Variants in TRPC6 observed in about 807,000 individuals in gnomAD.
TRPC6 encodes the protein short transient receptor potential channel 6.
TRPC6 carries 55 observed loss-of-function variants against 90.7 expected under a neutral mutation model. The ratio of observed to expected loss-of-function variants is 0.61; its 90% CI spans 0.49 to 0.76. The LOEUF (loss-of-function observed/expected upper bound fraction) is 0.76. Ranked by LOEUF, TRPC6 falls within the 30% of genes least tolerant of loss-of-function variation. The probability of loss-of-function intolerance (pLI) is 0.00; values close to 1 mark genes in which losing one functional copy is unlikely to be tolerated. For synonymous variants in TRPC6, 393 were observed against 393.0 expected, an observed-to-expected ratio of 1.00 and a Z score of 0.00; for missense variants, 989 against 1,122.7, an observed-to-expected ratio of 0.88 and a Z score of 1.70.
chr11:101,575,881 C>T (rs942371300), intron 1 of TRPC6, among the ~76,000 whole-genome samples: 12 of 152,220 alleles, frequency 7.9e-5, no homozygotes, highest in Admixed American at 6.5e-4. Context: ...TCAGAGCCAA[C>T]GTGTGGCTTT....
intron 4 of TRPC6, 108 bp downstream of exon 4, chr11:101,488,829 C>T: frequency 8.0e-7 from 1 of 1,253,942 alleles, no homozygotes; most frequent in Non-Finnish European, 1.1e-6. Context: ...ATAAAGATTA[C>T]TGAAACCCAA....
chr11:101,566,419 TATTAA>T (rs1861831967), intron 1 of TRPC6, among the ~76,000 whole-genome samples: 1 of 152,316 alleles, frequency 6.6e-6, no homozygotes, highest in South Asian at 2.1e-4. Flanking sequence ...TTCCTCTTGT[TATTAA>T]AATAAAAACA....
chr11:101,562,729 C>T (rs1861742983), intron 1 of TRPC6, among the ~76,000 whole-genome samples: 1 of 152,032 alleles, frequency 6.6e-6, no homozygotes, highest in Non-Finnish European at 1.5e-5. Flanking sequence ...TAAAAAATAC[C>T]TTGTCCAAGA....
intron 1 of TRPC6, among the ~76,000 whole-genome samples, chr11:101,516,108 G>GGA (rs1555005867): frequency 1.5e-5 from 2 of 133,320 alleles, no homozygotes; most frequent in Non-Finnish European, 3.2e-5. Context: ...ATGCAGCTGG[G>GGA]AAAAAAAAAA....
intron 12 of TRPC6, 57 bp from the exon 13 acceptor site, chr11:101,453,163 G>T: frequency 6.6e-7 from 1 of 1,526,098 alleles, no homozygotes. Flanking sequence ...GGAAAAACTA[G>T]TGACTGTGGG....
Position 101,453,947 on chromosome 11 carries a change from C to A in TRPC6, c.2569-222G>T, listed in dbSNP as rs548172420. 6.6e-5 allele frequency among the ~76,000 whole-genome samples: 10 copies of A among 152,250 alleles called. No individual in the cohort carries two copies. The South Asian group carries it at 1.7e-3, about 25-fold the overall frequency. On this transcript the variant is annotated intron_variant, in intron 11 of 12. Transcript: ENST00000344327. ...TAGGCTAATGACTCAAAAGTGAGTT[C>A]TTAGAAAAGAATGTTTAGAGCAAGT...
At chr11:101,466,524 A>G (rs1174346999) in intron 10 of TRPC6, among the ~76,000 whole-genome samples, 2 of 152,318 alleles carry the variant, frequency 1.3e-5, no homozygotes, top group East Asian at 3.9e-4. Flanking sequence ...TGCCTACTCA[A>G]GCCTCAGCAA....
chr11:101,490,310 G>A (rs943018351), intron 3 of TRPC6, among the ~76,000 whole-genome samples: 1 of 152,126 alleles, frequency 6.6e-6, no homozygotes, highest in African/African-American at 2.4e-5. Flanking sequence ...AGAAATTTGT[G>A]TATAGAAATA....
intron 4 of TRPC6, 149 bp from the exon 5 acceptor site, chr11:101,483,314 A>G (rs1859597704): frequency 1.9e-6 from 2 of 1,039,732 alleles, no homozygotes; most frequent in Non-Finnish European, 2.9e-6. Flanking sequence ...ATAGAGTAAT[A>G]TCTTTATGCT....
intron 5 of TRPC6, among the ~76,000 whole-genome samples, chr11:101,481,077 T>A (rs1333427744): frequency 6.6e-6 from 1 of 152,194 alleles, no homozygotes. Context: ...TGCTACTGAA[T>A]TAAATTTAAA....
At chr11:101,466,621 G>A (rs1344269894) in intron 10 of TRPC6, among the ~76,000 whole-genome samples, 1 of 152,230 alleles carries the variant, frequency 6.6e-6, no homozygotes, top group African/African-American at 2.4e-5. Flanking sequence ...TTTCAAGCCA[G>A]GGGATCTTAG....
Position 101,491,581 on chromosome 11 carries a change from A to G in TRPC6, c.1103T>C (p.Leu368Pro). 1 of 1,614,008 alleles carries G rather than the reference A, an allele frequency of 6.2e-7. No individual in the cohort carries two copies. The highest frequency in any genetic ancestry group is 8.5e-7 in the Non-Finnish European group (1 of 1,179,962). The change falls in exon 3 of 13, where the codon CTT (leucine) becomes CCT (proline). Residue 368 changes from leucine (L) to proline (P), a missense_variant. This residue lies in a region of TRPC6 where 486 missense variants were observed against 591.9 expected (regional missense o/e 0.82). Coordinates refer to ENST00000344327, the MANE Select transcript of TRPC6 (RefSeq NM_004621.6). ...HGRPNLSRLKLAIKYEVKKFV... is the reference protein window; with the variant it reads ...HGRPNLSRLKPAIKYEVKKFV... ...TTTTTTTACTTCATATTTAATGGCA[A>G]GTTTTAAACGGCTGAGATTTGGGCG...
At chr11:101,576,304 A>G (rs1480278002) in intron 1 of TRPC6, among the ~76,000 whole-genome samples, 1 of 152,254 alleles carries the variant, frequency 6.6e-6, no homozygotes, top group East Asian at 1.9e-4. Context: ...AGTCCTCCAC[A>G]GAAACAGCAA....
chr11:101,471,507 C>T lies in TRPC6; in HGVS notation c.2206-121G>A, dbSNP rs1377627784. On this transcript the variant is annotated intron_variant, in intron 8 of 12. Transcript: ENST00000344327. ...ATAAACACTCTCAGACCCCAGTGAT[C>T]GTTCCAAGATTTTTTCAAAATGTTA... 7.7e-6 allele frequency: 8 copies of T among 1,041,724 alleles called. No individual in the cohort carries two copies. In the South Asian group the frequency reaches 8.0e-5, roughly 10 times the overall value. 64.5% of individuals were successfully genotyped at this position (1,041,724 alleles called of 1,614,324 possible). A position where few individuals can be genotyped will look rare whatever the true frequency, so the allele number is the denominator to read the frequency against.
chr11:101,526,877 A>C (rs1331047649), intron 1 of TRPC6, among the ~76,000 whole-genome samples: 1 of 124,632 alleles, frequency 8.0e-6, no homozygotes, highest in Non-Finnish European at 1.9e-5. Context: ...AAAAAAAAAA[A>C]AAAAAAAAAA....
intron 2 of TRPC6, among the ~76,000 whole-genome samples, chr11:101,501,130 T>TA (rs1271801639): frequency 5.4e-5 from 8 of 148,270 alleles, no homozygotes; most frequent in Middle Eastern, 3.6e-3. Flanking sequence ...CATACATACA[T>TA]ACCATGAACA....
At chr11:101,497,649 G>A (rs1165620003) in intron 2 of TRPC6, among the ~76,000 whole-genome samples, 1 of 152,094 alleles carries the variant, frequency 6.6e-6, no homozygotes, top group Non-Finnish European at 1.5e-5. Flanking sequence ...TATCCAGAAT[G>A]ACAGAGAAGA....
At chr11:101,574,274 A>C (rs1262870356) in intron 1 of TRPC6, among the ~76,000 whole-genome samples, 1 of 151,064 alleles carries the variant, frequency 6.6e-6, no homozygotes, top group Admixed American at 6.6e-5. Flanking sequence ...ATACCATAAC[A>C]AATTTGTTTA....
chr11:101,582,098 T>C (rs1440377618), intron 1 of TRPC6, among the ~76,000 whole-genome samples: 2 of 152,248 alleles, frequency 1.3e-5, no homozygotes, highest in Admixed American at 1.3e-4. Context: ...GAATTATGTC[T>C]TGAACTTTTA....
Sources: gnomAD v4.1 joint callset for allele counts (sites outside exome capture counted in the v4.1 genomes callset) on GRCh38, gnomAD v4.1.1 for gene constraint, gnomAD v4.1.1 regional missense constraint, MANE v1.5 for transcripts, NCBI Gene and HGNC (gene_info 2026-07-23, HGNC 2026-07-21) for gene names.